SLC44A5: variants seen among roughly 807,000 people sequenced by gnomAD.
SLC44A5 encodes the protein choline transporter-like protein 5.
A neutral mutation model predicts 101.8 loss-of-function variants in SLC44A5; 57 were observed. The ratio of observed to expected loss-of-function variants is 0.56; its 90% CI spans 0.45 to 0.70. The LOEUF (loss-of-function observed/expected upper bound fraction) is 0.70. SLC44A5 is among the 30% of genes least tolerant of loss of function. The pLI is 0.00. For synonymous variants in SLC44A5, 281 were observed against 290.9 expected, an observed-to-expected ratio of 0.97 and a Z score of 0.35; for missense variants, 737 against 853.1, an observed-to-expected ratio of 0.86 and a Z score of 1.70.
At chr1:75,658,987 TTA>T in the SLC44A5 span, among the ~76,000 whole-genome samples, 5 of 152,006 alleles carry the variant, frequency 3.3e-5, no homozygotes, top group African/African-American at 1.2e-4. Context: ...TTAGAAACTA[TTA>T]TAAACATCTA....
chr1:75,542,383 T>C (rs940224813), intron 1 of SLC44A5, among the ~76,000 whole-genome samples: 8 of 152,158 alleles, frequency 5.3e-5, no homozygotes, highest in African/African-American at 1.7e-4. Flanking sequence ...AGCATTTATA[T>C]TAAGTTCTTC....
chr1:75,571,516 C>A (rs1182875975), intron 1 of SLC44A5, among the ~76,000 whole-genome samples: 1 of 151,950 alleles, frequency 6.6e-6, no homozygotes, highest in African/African-American at 2.4e-5. Context: ...CCTCAAGTAC[C>A]CATATAACCA....
chr1:75,413,031 A>G (rs907236300), intron 2 of SLC44A5, among the ~76,000 whole-genome samples: 3 of 152,182 alleles, frequency 2.0e-5, no homozygotes, highest in Admixed American at 6.6e-5. Context: ...ATCTCACACC[A>G]TCACAAGAAG....
chr1:75,708,199 G>A, the SLC44A5 span, among the ~76,000 whole-genome samples: 1 of 150,878 alleles, frequency 6.6e-6, no homozygotes, highest in Non-Finnish European at 1.5e-5. Context: ...GATACCTGAG[G>A]TCAGGAGTTT....
chr1:75,719,310 A>C, the SLC44A5 span, among the ~76,000 whole-genome samples: 2 of 152,208 alleles, frequency 1.3e-5, no homozygotes, highest in Non-Finnish European at 2.9e-5. Flanking sequence ...AAAAATTCTG[A>C]TAGTTCTAGC....
intron 7 of SLC44A5, among the ~76,000 whole-genome samples, chr1:75,247,647 G>A (rs1373707734): frequency 2.6e-5 from 4 of 152,070 alleles, no homozygotes; most frequent in Non-Finnish European, 5.9e-5. Context: ...CATCAAAGGA[G>A]ACTGATAGGG....
At chr1:75,244,225 G>A (rs763848405) in intron 7 of SLC44A5, among the ~76,000 whole-genome samples, 6 of 152,042 alleles carry the variant, frequency 3.9e-5, no homozygotes, top group Non-Finnish European at 7.4e-5. Flanking sequence ...GAGCTCACCC[G>A]TTTTATATTC....
chr1:75,481,565 AC>A (rs1667856987), intron 2 of SLC44A5, among the ~76,000 whole-genome samples: 1 of 151,998 alleles, frequency 6.6e-6, no homozygotes, highest in African/African-American at 2.4e-5. Flanking sequence ...CAAGAAAAAA[AC>A]AAACGACCCC....
rs554935825 is a variant in SLC44A5 at position 75,259,373 on chromosome 1, C to T, written c.261-8079G>A. On this transcript the variant is annotated intron_variant, in intron 6 of 23. Transcript: ENST00000370859. ...GCTGAAAAACACAGCACAAGAATTT[C>T]GCAAAGCATACACAAGTATCAATAG... 2.6e-3 allele frequency among the ~76,000 whole-genome samples: 393 copies of T among 152,098 alleles called. 3 individuals carry two copies. The highest frequency in any genetic ancestry group is 9.0e-3 in the African/African-American group (374 of 41,458).
At chr1:75,281,910 G>C (rs1652624936) in intron 5 of SLC44A5, among the ~76,000 whole-genome samples, 1 of 152,162 alleles carries the variant, frequency 6.6e-6, no homozygotes, top group African/African-American at 2.4e-5. Context: ...ACCTCATGGA[G>C]AACCTCTGCT....
At chr1:75,397,047 T>G (rs1662169754) in intron 2 of SLC44A5, among the ~76,000 whole-genome samples, 1 of 152,198 alleles carries the variant, frequency 6.6e-6, no homozygotes, top group Non-Finnish European at 1.5e-5. Flanking sequence ...TTAAATACCT[T>G]TTATTACATG....
chr1:75,722,034 T>C, the SLC44A5 span, among the ~76,000 whole-genome samples: 1 of 152,216 alleles, frequency 6.6e-6, no homozygotes, highest in African/African-American at 2.4e-5. Flanking sequence ...TATAGGAAAA[T>C]GTCCTTGTAG....
chr1:75,389,878 TG>T (rs1424580930), intron 3 of SLC44A5, among the ~76,000 whole-genome samples: 1 of 151,902 alleles, frequency 6.6e-6, no homozygotes, highest in Non-Finnish European at 1.5e-5. Context: ...AACAAAAAAT[TG>T]GTTCTTTGAA....
chr1:75,482,960 A>G (rs1376001907), intron 2 of SLC44A5, among the ~76,000 whole-genome samples: 1 of 152,248 alleles, frequency 6.6e-6, no homozygotes, highest in Non-Finnish European at 1.5e-5. Context: ...CGTTAAGTTT[A>G]CCAACCAAAT....
intron 3 of SLC44A5, among the ~76,000 whole-genome samples, chr1:75,345,693 C>T (rs1658201833): frequency 6.6e-6 from 1 of 152,092 alleles, no homozygotes. Context: ...AGCTAGACAA[C>T]AGCACATACT....
chr1:75,214,186 AT>A (rs1022793268), intron 20 of SLC44A5, among the ~76,000 whole-genome samples, 197 bp from the exon 21 acceptor site: 4 of 152,130 alleles, frequency 2.6e-5, no homozygotes, highest in African/African-American at 9.7e-5. Context: ...AGAAGATGGC[AT>A]TGTAGGGCTG....
rs201520988 is a variant in SLC44A5, at chr1:75,219,753, T to C, written c.1178+47A>G. On this transcript the variant is annotated intron_variant, in intron 15 of 23. Transcript: ENST00000370859. ...TGAACACAAACTCCTGGTTCACGAGTAGTCATGTGAACCTGAGGTTTAAAG... is the reference window on the plus strand; with the variant it reads ...TGAACACAAACTCCTGGTTCACGAGCAGTCATGTGAACCTGAGGTTTAAAG... 51 of 1,158,896 alleles carry C rather than the reference T, an allele frequency of 4.4e-5. No homozygotes were observed. In the Middle Eastern group the frequency reaches 1.4e-3, roughly 31 times the overall value. The allele number at this position is 1,158,896 out of a possible 1,614,324, so 71.8% of individuals were successfully genotyped here. A position where few individuals can be genotyped will look rare whatever the true frequency, so the allele number is the denominator to read the frequency against.
chr1:75,468,889 T>C (rs1666961111), intron 2 of SLC44A5, among the ~76,000 whole-genome samples: 1 of 152,190 alleles, frequency 6.6e-6, no homozygotes, highest in Admixed American at 6.5e-5. Context: ...TTTTACATGA[T>C]GTGATTATTA....
chr1:75,414,095 C>T (rs1557760450), intron 2 of SLC44A5, among the ~76,000 whole-genome samples: 1 of 152,052 alleles, frequency 6.6e-6, no homozygotes, highest in South Asian at 2.1e-4. Flanking sequence ...ATTACTCTCT[C>T]ACCCTGCTTG....
Sources: gnomAD v4.1 joint callset for allele counts (sites outside exome capture counted in the v4.1 genomes callset) on GRCh38, gnomAD v4.1.1 for gene constraint, MANE v1.5 for transcripts, NCBI Gene and HGNC (gene_info 2026-07-23, HGNC 2026-07-21) for gene names.